Variants in SPTLC2 observed in about 807,000 individuals in gnomAD.
SPTLC2 encodes the protein serine palmitoyltransferase 2.
Under a neutral mutation model 62.0 loss-of-function variants are expected in SPTLC2, and 21 were observed. The observed-to-expected ratio is 0.34, with a 90% CI of 0.24 to 0.49. The LOEUF (loss-of-function observed/expected upper bound fraction) is 0.49, where lower values mean the gene tolerates loss of function less well. SPTLC2 is among the 20% of genes least tolerant of loss of function. The pLI, the probability that SPTLC2 is intolerant of heterozygous loss-of-function variation, is 0.99. For missense variants in SPTLC2, 511 were observed against 713.0 expected (o/e 0.72, Z 3.23); for synonymous variants, 261 against 261.8 (o/e 1.00, Z 0.03).
intron 9 of SPTLC2, among the ~76,000 whole-genome samples, chr14:77,531,507 C>CTCCTCCTCT (rs1438238047): frequency 9.2e-5 from 6 of 65,400 alleles, no homozygotes; most frequent in Non-Finnish European, 1.4e-4. Flanking sequence ...CCTCCTCCTC[C>CTCCTCCTCT]TCTTCTTCTT....
chr14:77,539,962 C>T (rs2079491601), intron 9 of SPTLC2, among the ~76,000 whole-genome samples: 1 of 151,742 alleles, frequency 6.6e-6, no homozygotes. Context: ...TTTGGGAGGC[C>T]GAGGCAGGCA....
chr14:77,547,173 TA>T (rs545011635), intron 9 of SPTLC2, among the ~76,000 whole-genome samples: 19 of 57,400 alleles, frequency 3.3e-4, no homozygotes, highest in East Asian at 2.4e-3. Flanking sequence ...CGGAAACAAG[TA>T]TTTTTTTTTT....
intron 1 of SPTLC2, 124 bp downstream of exon 1, chr14:77,616,324 A>G: frequency 2.0e-6 from 1 of 501,112 alleles, no homozygotes; most frequent in Non-Finnish European, 2.9e-6. Context: ...ACTGCCGCCC[A>G]CACCTGCGAA....
At chr14:77,516,102 T>C (rs925979968) in intron 11 of SPTLC2, among the ~76,000 whole-genome samples, 1 of 152,210 alleles carries the variant, frequency 6.6e-6, no homozygotes, top group Non-Finnish European at 1.5e-5. Flanking sequence ...AATTTGTATC[T>C]CATAATGGTC....
intron 9 of SPTLC2, among the ~76,000 whole-genome samples, chr14:77,541,376 C>T (rs1474974105): frequency 1.3e-5 from 2 of 152,068 alleles, no homozygotes; most frequent in Non-Finnish European, 2.9e-5. Flanking sequence ...CTAATTCTTA[C>T]CAAAAGCAGC....
intron 1 of SPTLC2, among the ~76,000 whole-genome samples, chr14:77,605,082 G>A (rs1419589702): frequency 6.6e-6 from 1 of 152,030 alleles, no homozygotes; most frequent in Non-Finnish European, 1.5e-5. Flanking sequence ...CGTAACCATA[G>A]CTCACTGTAA....
intron 2 of SPTLC2, among the ~76,000 whole-genome samples, chr14:77,589,389 T>C (rs1295279246): frequency 6.6e-6 from 1 of 152,186 alleles, no homozygotes; most frequent in Non-Finnish European, 1.5e-5. Flanking sequence ...TGTGTGCATG[T>C]GTGTACGTAC....
chr14:77,586,754 C>G (rs1237855613), intron 2 of SPTLC2, among the ~76,000 whole-genome samples: 1 of 152,140 alleles, frequency 6.6e-6, no homozygotes, highest in Non-Finnish European at 1.5e-5. Context: ...AAGATTTGAA[C>G]AGAGACTTCA....
chr14:77,516,582 T>G (rs1196601757), intron 11 of SPTLC2, among the ~76,000 whole-genome samples: 3 of 152,026 alleles, frequency 2.0e-5, no homozygotes, highest in African/African-American at 7.2e-5. Flanking sequence ...CAGTAAAATT[T>G]CTGAGAAATG....
At chr14:77,582,732 A>T (rs1415445142) in intron 2 of SPTLC2, among the ~76,000 whole-genome samples, 1 of 152,222 alleles carries the variant, frequency 6.6e-6, no homozygotes, top group Non-Finnish European at 1.5e-5. Context: ...ATTAAGTCAC[A>T]GTAGCACAGG....
Position 77,576,806 on chromosome 14 carries a change from C to T in SPTLC2, c.592G>A (p.Glu198Lys). The change falls in exon 4 of 12, where the codon GAG becomes AAG. Residue 198 changes from glutamate (E) to lysine (K), a missense_variant. By Grantham distance (56) the Glu-to-Lys change is moderately conservative. Coordinates refer to ENST00000216484, the MANE Select transcript of SPTLC2 (RefSeq NM_004863.4). ...GTACTGCACACTCCAGCTCCATACT[C>T]CTCAAGGACTTTGGCGGCTGCTTCT... ...CQEAAAKVLEEYGAGVCSTRQ... is the reference protein window; with the variant it reads ...CQEAAAKVLEKYGAGVCSTRQ... The T allele has an allele frequency of 1.2e-6, 2 of 1,614,232 alleles. No individual in the cohort carries two copies. Among genetic ancestry groups the T allele is most frequent in the Non-Finnish European group, 1.7e-6 (2 of 1,180,032 alleles).
rs2079317633 is a variant in SPTLC2 at position 77,508,655 on chromosome 14, A to G, written c.*3629T>C. Reference sequence around the variant, plus strand: ...CATCCCCCTGGTTTTCACCAATAAGAAGGAAGCAAAGTGTATAACACACTA... The same window carrying G: ...CATCCCCCTGGTTTTCACCAATAAGGAGGAAGCAAAGTGTATAACACACTA... On this transcript the variant is annotated 3_prime_UTR_variant, in exon 12 of 12. Coordinates refer to ENST00000216484, the MANE Select transcript of SPTLC2 (RefSeq NM_004863.4). The G allele has an allele frequency of 6.6e-6, 1 of 152,218 alleles. No homozygotes were observed. The highest frequency in any genetic ancestry group is 1.5e-5 in the Non-Finnish European group (1 of 68,044). The allele number at this position is 152,218 out of a possible 1,614,324, so 9.4% of individuals were successfully genotyped here.
chr14:77,591,065 T>C (rs543927839), intron 2 of SPTLC2, among the ~76,000 whole-genome samples: 7 of 152,294 alleles, frequency 4.6e-5, no homozygotes, highest in African/African-American at 1.7e-4. Context: ...TTGAGTATAG[T>C]TTTTTACCAG....
intron 2 of SPTLC2, among the ~76,000 whole-genome samples, chr14:77,589,704 C>T (rs1214622648): frequency 1.3e-5 from 2 of 151,900 alleles, no homozygotes; most frequent in Non-Finnish European, 2.9e-5. Flanking sequence ...GCAGAAGAAT[C>T]GCTTAAGCCC....
Position 77,555,524 on chromosome 14 carries a change from C to T in SPTLC2, c.957-5G>A, listed in dbSNP as rs369659315. The stretch of plus-strand genomic sequence containing the variant: ...CGAACAATAGATCCCTCCATGCTGG[C>T]AAAACATGAAAAAATATATATATAC... On this transcript the variant is annotated splice_polypyrimidine_tract_variant and splice_region_variant and intron_variant, in intron 7 of 11. Transcript: ENST00000216484. The T allele has an allele frequency of 1.2e-6, 2 of 1,613,624 alleles. No individual in the cohort carries two copies. Among genetic ancestry groups the T allele is most frequent in the African/African-American group, 2.7e-5 (2 of 74,880 alleles).
chr14:77,521,758 T>A, intron 9 of SPTLC2, 177 bp from the exon 10 acceptor site: 1 of 663,314 alleles, frequency 1.5e-6, no homozygotes, highest in Non-Finnish European at 2.6e-6. Flanking sequence ...AATGTCTCAT[T>A]TTGTATTCTG....
At chr14:77,583,207 A>C (rs983582792) in intron 2 of SPTLC2, among the ~76,000 whole-genome samples, 1 of 146,424 alleles carries the variant, frequency 6.8e-6, no homozygotes, top group African/African-American at 2.5e-5. Flanking sequence ...CTCAATAAAT[A>C]AATAAATAAA....
Position 77,531,484 on chromosome 14 carries a change from T to C in SPTLC2, c.1304-9903A>G, listed in dbSNP as rs1226448713. Among the ~76,000 whole-genome samples the C allele has an allele frequency of 4.0e-3, 350 of 86,630 alleles. 3 individuals are homozygous for C. Among genetic ancestry groups the C allele is most frequent in the African/African-American group, 0.017 (295 of 17,760 alleles). 56.8% of individuals were successfully genotyped at this position (86,630 alleles called of 152,430 possible). The stretch of plus-strand genomic sequence containing the variant: ...CTCCTCCTCCTCCTCCCCCTCCCCC[T>C]CCTCCTCCTCCTCCTCCTCCTCCTC... On this transcript the variant is annotated intron_variant, in intron 9 of 11. Transcript: ENST00000216484.
intron 1 of SPTLC2, among the ~76,000 whole-genome samples, chr14:77,607,964 T>C (rs2079913597): frequency 2.0e-5 from 3 of 152,158 alleles, no homozygotes; most frequent in Admixed American, 2.0e-4. Flanking sequence ...GCATTTGAAA[T>C]CAATGTGAGA....
Sources: allele counts gnomAD v4.1 joint callset (sites outside exome capture counted in the v4.1 genomes callset), GRCh38; gene constraint gnomAD v4.1.1; transcripts MANE v1.5; gene names NCBI Gene and HGNC (gene_info 2026-07-23, HGNC 2026-07-21).